The following MACROD2 variants were observed in gnomAD, a reference collection of about 807,000 sequenced individuals.
MACROD2 encodes mono-ADP ribosylhydrolase 2.
A neutral mutation model predicts 70.4 loss-of-function variants in MACROD2; 36 were observed. The ratio of observed to expected loss-of-function variants is 0.51; its 90% CI spans 0.39 to 0.68. The LOEUF (loss-of-function observed/expected upper bound fraction) is 0.68. Ranked by LOEUF, MACROD2 falls within the 30% of genes least tolerant of loss-of-function variation. The probability of loss-of-function intolerance (pLI) is 0.00; values close to 1 mark genes in which losing one functional copy is unlikely to be tolerated. For synonymous variants in MACROD2, 172 were observed against 178.8 expected, an observed-to-expected ratio of 0.96 and a Z score of 0.30; for missense variants, 496 against 538.4, an observed-to-expected ratio of 0.92 and a Z score of 0.78.
intron 8 of MACROD2, among the ~76,000 whole-genome samples, chr20:15,507,662 C>T (rs1410271532): frequency 1.3e-5 from 2 of 152,122 alleles, no homozygotes; most frequent in African/African-American, 4.8e-5. Flanking sequence ...CAGCTTCTCC[C>T]CTTCTGATGG....
At chr20:15,342,609 G>A (rs1157749351) in intron 6 of MACROD2, among the ~76,000 whole-genome samples, 1 of 152,088 alleles carries the variant, frequency 6.6e-6, no homozygotes, top group Non-Finnish European at 1.5e-5. Flanking sequence ...TTCTGGTCAG[G>A]GAAGGTCTTT....
intron 3 of MACROD2, among the ~76,000 whole-genome samples, chr20:14,468,787 G>T (rs926297558): frequency 6.6e-6 from 1 of 152,090 alleles, no homozygotes; most frequent in Admixed American, 6.5e-5. Context: ...TGGGATTACA[G>T]GCGTGAGCTG....
intron 3 of MACROD2, among the ~76,000 whole-genome samples, chr20:14,094,232 C>T (rs772037281): frequency 2.0e-5 from 3 of 152,012 alleles, no homozygotes; most frequent in Non-Finnish European, 2.9e-5. Context: ...CTGACTCTGC[C>T]CTCTTTAATG....
chr20:14,812,892 C>T (rs1013186013), intron 5 of MACROD2, among the ~76,000 whole-genome samples: 1 of 152,034 alleles, frequency 6.6e-6, no homozygotes, highest in Non-Finnish European at 1.5e-5. Flanking sequence ...ACTTCAAATG[C>T]CAGTAGCAAG....
intron 5 of MACROD2, among the ~76,000 whole-genome samples, chr20:14,796,191 T>C (rs1271347187): frequency 6.6e-6 from 1 of 152,124 alleles, no homozygotes; most frequent in East Asian, 1.9e-4. Flanking sequence ...TAAGTGGCTC[T>C]GAAAGGTTTT....
intron 8 of MACROD2, among the ~76,000 whole-genome samples, chr20:15,532,815 G>T (rs2047822967): frequency 6.6e-6 from 1 of 151,850 alleles, no homozygotes; most frequent in Non-Finnish European, 1.5e-5. Context: ...GAGCTCTCTG[G>T]CATGAGCAAG....
At position 15,699,645 on chromosome 20, in the gene MACROD2, C is replaced by G. The variant is rs548136952; in HGVS notation, c.646-163100C>G. 9.9e-5 allele frequency among the ~76,000 whole-genome samples: 15 copies of G among 152,262 alleles called. No homozygotes were observed. The East Asian group carries it at 2.9e-3, about 30-fold the overall frequency. Reference sequence around the variant, plus strand: ...GTTTGTTTCCAGGCGGAGGGTGAGACGGGCCTGAAAACTTGCCCAAGGCCA... The same window carrying G: ...GTTTGTTTCCAGGCGGAGGGTGAGAGGGGCCTGAAAACTTGCCCAAGGCCA... On this transcript the variant is annotated intron_variant, in intron 8 of 17. Transcript: ENST00000684519.
chr20:14,119,159 AT>A (rs1181793101), intron 3 of MACROD2, among the ~76,000 whole-genome samples: 8,475 of 56,592 alleles, frequency 0.15, 253 homozygotes, highest in African/African-American at 0.26. Context: ...AATGACTGTG[AT>A]TTTTTTTTTT....
intron 4 of MACROD2, among the ~76,000 whole-genome samples, chr20:14,625,797 G>A (rs8117526): frequency 0.028 from 4,199 of 152,120 alleles, 201 homozygotes; most frequent in African/African-American, 0.096. Flanking sequence ...ATCACTGTTT[G>A]AGGGCTTTAG....
At chr20:15,021,180 G>T (rs1448094693) in intron 5 of MACROD2, among the ~76,000 whole-genome samples, 1 of 93,056 alleles carries the variant, frequency 1.1e-5, no homozygotes, top group African/African-American at 4.4e-5. Context: ...ACACATACAG[G>T]TGTGCGTATA....
intron 5 of MACROD2, among the ~76,000 whole-genome samples, chr20:14,819,615 A>G (rs2122203194): frequency 6.6e-6 from 1 of 152,016 alleles, no homozygotes; most frequent in African/African-American, 2.4e-5. Context: ...TTGTGATGGG[A>G]AATTCAGTTG....
At chr20:14,048,340 C>G (rs533139858) in intron 2 of MACROD2, among the ~76,000 whole-genome samples, 13 of 152,270 alleles carry the variant, frequency 8.5e-5, no homozygotes, top group African/African-American at 3.1e-4. Flanking sequence ...AGTCCGCTCT[C>G]TATCTCATTG....
intron 5 of MACROD2, among the ~76,000 whole-genome samples, chr20:14,761,555 C>T (rs954087628): frequency 3.3e-5 from 5 of 152,022 alleles, no homozygotes; most frequent in African/African-American, 7.3e-5. Context: ...TTTTTTATTC[C>T]CAAGATCCTT....
chr20:14,792,012 A>T (rs1015498061), intron 5 of MACROD2, among the ~76,000 whole-genome samples: 6 of 152,012 alleles, frequency 3.9e-5, no homozygotes, highest in Non-Finnish European at 8.8e-5. Flanking sequence ...AACATTATGA[A>T]CATTTATCTT....
At chr20:15,367,543 G>A (rs2045428399) in intron 6 of MACROD2, among the ~76,000 whole-genome samples, 1 of 151,996 alleles carries the variant, frequency 6.6e-6, no homozygotes, top group Admixed American at 6.6e-5. Context: ...TTCACAGCAA[G>A]CCCAAAGAGC....
intron 2 of MACROD2, among the ~76,000 whole-genome samples, chr20:14,007,478 G>C (rs2052839542): frequency 6.6e-6 from 1 of 152,152 alleles, no homozygotes; most frequent in Admixed American, 6.5e-5. Context: ...GCATATACGT[G>C]TGTGTTTGTG....
intron 8 of MACROD2, among the ~76,000 whole-genome samples, chr20:15,800,385 CTA>C (rs1363758395): frequency 5.3e-5 from 8 of 152,136 alleles, no homozygotes; most frequent in Non-Finnish European, 1.0e-4. Flanking sequence ...AGCATTTCCC[CTA>C]TGTTTTCTTC....
chr20:14,521,521 T>C (rs1463325841), intron 4 of MACROD2, among the ~76,000 whole-genome samples: 2 of 152,222 alleles, frequency 1.3e-5, no homozygotes, highest in African/African-American at 4.8e-5. Flanking sequence ...ATTTGCACAG[T>C]GATGACTATA....
chr20:15,460,671 T>C (rs1200984156), intron 7 of MACROD2, among the ~76,000 whole-genome samples: 1 of 152,104 alleles, frequency 6.6e-6, no homozygotes, highest in African/African-American at 2.4e-5. Context: ...TCAAAACCTA[T>C]GTAAACAATT....
Sources: allele counts gnomAD v4.1 joint callset (sites outside exome capture counted in the v4.1 genomes callset), GRCh38; gene constraint gnomAD v4.1.1; transcripts MANE v1.5; gene names NCBI Gene and HGNC (gene_info 2026-07-23, HGNC 2026-07-21).